Variants in CPNE5 observed in about 807,000 individuals in gnomAD.
CPNE5 encodes the protein copine-5.
A neutral mutation model predicts 81.1 loss-of-function variants in CPNE5; 42 were observed. The observed-to-expected ratio is 0.52, with a 90% CI of 0.40 to 0.67. The LOEUF is 0.67. CPNE5 is among the 30% of genes least tolerant of loss of function. CPNE5 has a pLI of 0.00. For missense variants in CPNE5, 612 were observed against 815.5 expected (o/e 0.75, Z 3.04); for synonymous variants, 313 against 321.5 (o/e 0.97, Z 0.28).
intron 3 of CPNE5, among the ~76,000 whole-genome samples, chr6:36,806,281 C>T (rs899205012): frequency 6.6e-6 from 1 of 152,192 alleles, no homozygotes; most frequent in African/African-American, 2.4e-5. Context: ...ATCATTCCCT[C>T]ACCCTGTGGC....
At chr6:36,795,458 C>A (rs151106806) in intron 6 of CPNE5, among the ~76,000 whole-genome samples, 1 of 152,176 alleles carries the variant, frequency 6.6e-6, no homozygotes, top group Non-Finnish European at 1.5e-5. Context: ...GGATTACAGG[C>A]GTGAGCCACC....
intron 10 of CPNE5, among the ~76,000 whole-genome samples, chr6:36,771,887 C>T (rs908040681): frequency 6.6e-6 from 1 of 152,090 alleles, no homozygotes; most frequent in Non-Finnish European, 1.5e-5. Context: ...CCCTGGCCTC[C>T]TTGATTAACA....
intron 8 of CPNE5, among the ~76,000 whole-genome samples, chr6:36,779,456 G>C (rs939115135): frequency 6.6e-5 from 10 of 152,158 alleles, no homozygotes; most frequent in Admixed American, 4.6e-4. Context: ...AAGCCCCAAA[G>C]CCCTCTCTCT....
chr6:36,791,748 T>C (rs903951397), intron 8 of CPNE5, among the ~76,000 whole-genome samples: 4 of 152,068 alleles, frequency 2.6e-5, no homozygotes, highest in Non-Finnish European at 5.9e-5. Flanking sequence ...GTGGTGGCTG[T>C]GATGGGGAGG....
chr6:36,792,405 T>C (rs1255858834), intron 7 of CPNE5: 1 of 1,434,774 alleles, frequency 7.0e-7, no homozygotes, highest in Non-Finnish European at 9.2e-7. Flanking sequence ...CCCGGAGGCT[T>C]CCAGACCAGT....
chr6:36,805,165 T>C (rs531243095), intron 3 of CPNE5, among the ~76,000 whole-genome samples: 3 of 152,152 alleles, frequency 2.0e-5, no homozygotes, highest in African/African-American at 4.8e-5. Flanking sequence ...CATAGACTTA[T>C]AGAGTTTTCA....
rs1036322533 is a variant in CPNE5 at position 36,772,621 on chromosome 6, G to A, written c.737+2340C>T. Among the ~76,000 whole-genome samples the A allele has an allele frequency of 4.6e-5, 7 of 152,238 alleles. No individual in the cohort carries two copies. In the East Asian group the frequency reaches 7.7e-4, roughly 17 times the overall value. On this transcript the variant is annotated intron_variant, in intron 10 of 20. Transcript: ENST00000244751. ...GAGGCGCCACGCTGGGACACAGGAG[G>A]CACTCAGTGACCACCTGTGGAACAG...
chr6:36,823,012 G>A (rs759294992), intron 2 of CPNE5, 46 bp downstream of exon 2: 8 of 1,491,784 alleles, frequency 5.4e-6, no homozygotes, highest in Non-Finnish European at 7.3e-6. Flanking sequence ...ATTAGTCATA[G>A]CGTTGCCGCT....
chr6:36,810,805 G>A (rs1193903501), intron 3 of CPNE5, among the ~76,000 whole-genome samples: 5 of 152,172 alleles, frequency 3.3e-5, no homozygotes, highest in African/African-American at 4.8e-5. Flanking sequence ...CTTTCGTTTC[G>A]TAGGCCTGGT....
At chr6:36,774,083 TAAAA>T (rs71540168) in intron 10 of CPNE5, among the ~76,000 whole-genome samples, 1 of 139,746 alleles carries the variant, frequency 7.2e-6, no homozygotes, top group Non-Finnish European at 1.5e-5. Flanking sequence ...CCATCTCAAT[TAAAA>T]AAAAAAAAAA....
intron 4 of CPNE5, among the ~76,000 whole-genome samples, chr6:36,799,368 C>G (rs1232811580): frequency 6.6e-6 from 1 of 152,148 alleles, no homozygotes; most frequent in Non-Finnish European, 1.5e-5. Flanking sequence ...TCTTTCCCAC[C>G]CTGACCACTC....
intron 11 of CPNE5, 29 bp from the exon 12 acceptor site, chr6:36,763,021 A>G: frequency 6.2e-7 from 1 of 1,604,336 alleles, no homozygotes; most frequent in Non-Finnish European, 8.5e-7. Context: ...GCTGAGACCA[A>G]GGCCAGGCTG....
intron 12 of CPNE5, among the ~76,000 whole-genome samples, chr6:36,759,058 C>T (rs1030691463): frequency 2.0e-5 from 3 of 152,200 alleles, no homozygotes; most frequent in African/African-American, 4.8e-5. Context: ...GTTGAACTAT[C>T]GGAATGGACA....
intron 3 of CPNE5, among the ~76,000 whole-genome samples, chr6:36,818,746 T>C (rs236384): frequency 0.38 from 57,210 of 152,008 alleles, 11,513 homozygotes; most frequent in African/African-American, 0.51. Flanking sequence ...AGGCCACCTG[T>C]CTTCCCTCTA....
chr6:36,763,052 C>T, intron 11 of CPNE5, 60 bp from the exon 12 acceptor site: 1 of 1,462,684 alleles, frequency 6.8e-7, no homozygotes. Flanking sequence ...CTGCCCAGCC[C>T]CAGCCTTGCA....
chr6:36,830,139 G>A (rs886287174), intron 1 of CPNE5, among the ~76,000 whole-genome samples: 6 of 152,162 alleles, frequency 3.9e-5, no homozygotes, highest in South Asian at 2.1e-4. Flanking sequence ...TGATGTCACC[G>A]GCTTGTCAAG....
intron 3 of CPNE5, among the ~76,000 whole-genome samples, chr6:36,803,408 G>A (rs1770307385): frequency 6.6e-6 from 1 of 152,088 alleles, no homozygotes. Flanking sequence ...ATGATCTACT[G>A]AGTCTATTTC....
intron 12 of CPNE5, among the ~76,000 whole-genome samples, chr6:36,759,597 T>G (rs375409899): frequency 6.6e-6 from 1 of 151,452 alleles, no homozygotes; most frequent in African/African-American, 2.4e-5. Flanking sequence ...AAACAGAAAA[T>G]AGCCAGAAGG....
chr6:36,781,206 T>C (rs1768008085), intron 8 of CPNE5, among the ~76,000 whole-genome samples: 1 of 152,042 alleles, frequency 6.6e-6, no homozygotes. Flanking sequence ...ATGCCTCTCA[T>C]CATCGCCCAC....
Sources: gnomAD v4.1 joint callset for allele counts (sites outside exome capture counted in the v4.1 genomes callset) on GRCh38, gnomAD v4.1.1 for gene constraint, MANE v1.5 for transcripts, NCBI Gene and HGNC (gene_info 2026-07-23, HGNC 2026-07-21) for gene names.